FARP2: variants seen among roughly 807,000 people sequenced by gnomAD.
FARP2 encodes FERM, ARH/RhoGEF and pleckstrin domain protein 2.
FARP2 carries 111 observed loss-of-function variants against 130.5 expected under a neutral mutation model. That is an observed-to-expected ratio of 0.85 (90% CI 0.73 to 1.00). The LOEUF is 1.00. Among genes scored for constraint, FARP2 ranks in the 50% least tolerant of loss-of-function variants. FARP2 has a pLI of 0.00. For missense variants in FARP2, 1,385 were observed against 1,346.3 expected (o/e 1.03, Z -0.45); for synonymous variants, 504 against 516.9 (o/e 0.98, Z 0.34).
chr2:241,470,281 A>G (rs914965372), intron 18 of FARP2, among the ~76,000 whole-genome samples: 1 of 152,240 alleles, frequency 6.6e-6, no homozygotes, highest in African/African-American at 2.4e-5. Flanking sequence ...CTGGATGTTA[A>G]GTGTATGTTG....
At chr2:241,388,662 C>T (rs191380443) in intron 2 of FARP2, among the ~76,000 whole-genome samples, 14 of 152,126 alleles carry the variant, frequency 9.2e-5, no homozygotes, top group Non-Finnish European at 1.5e-4. Context: ...AGCAAGATCC[C>T]GTCACTACAA....
intron 1 of FARP2, among the ~76,000 whole-genome samples, chr2:241,369,875 G>A (rs976460362): frequency 1.3e-5 from 2 of 152,094 alleles, no homozygotes; most frequent in Non-Finnish European, 2.9e-5. Flanking sequence ...ATGTTTTCAC[G>A]TTGGAGGAAC....
intron 2 of FARP2, among the ~76,000 whole-genome samples, chr2:241,391,800 A>G (rs1365882477): frequency 6.6e-6 from 1 of 152,098 alleles, no homozygotes; most frequent in African/African-American, 2.4e-5. Flanking sequence ...CTTTTTCCCA[A>G]GCTCAAGATG....
At chr2:241,431,423 G>A (rs978754370) in intron 8 of FARP2, among the ~76,000 whole-genome samples, 10 of 96 alleles carry the variant, frequency 0.1, no homozygotes, top group East Asian at 0.5. Flanking sequence ...TGCAGTGAGC[G>A]GAGATTGGTA....
intron 21 of FARP2, among the ~76,000 whole-genome samples, chr2:241,487,274 A>ATCTG (rs1355788205): frequency 6.6e-6 from 1 of 152,254 alleles, no homozygotes; most frequent in East Asian, 1.9e-4. Flanking sequence ...TAGGGAACCC[A>ATCTG]GCAAATGCTT....
rs755348684 is a variant in FARP2, at chr2:241,475,391, G to C, written c.2132-466G>C. 2.0e-5 allele frequency among the ~76,000 whole-genome samples: 3 copies of C among 152,212 alleles called. No homozygotes were observed. Among genetic ancestry groups the C allele is most frequent in the African/African-American group, 4.8e-5 (2 of 41,456 alleles). On this transcript the variant is annotated intron_variant, in intron 18 of 26. Coordinates refer to ENST00000264042, the MANE Select transcript of FARP2 (RefSeq NM_014808.4). This position sits in a 1 kb window ranked among gnomAD's most constrained non-coding sequence, Gnocchi z 4.4. ...CTAGTACCAGTCCAGTCCATAGCCT[G>C]TTAGGAACCAGGCCACACGGCAGGA...
Position 241,482,351 on chromosome 2 carries a change from T to G in FARP2, c.2263-1114T>G, listed in dbSNP as rs957608864. Among the ~76,000 whole-genome samples, 11 of 152,108 alleles carry G rather than the reference T, an allele frequency of 7.2e-5. No homozygotes were observed. Among genetic ancestry groups the G allele is most frequent in the African/African-American group, 2.7e-4 (11 of 41,418 alleles). Reference sequence around the variant, plus strand: ...GAGCTCTGGAGAGGGGGCTGCTGCTTAGCCAGTGCTGGGGTCTCTGAGGGT... The same window carrying G: ...GAGCTCTGGAGAGGGGGCTGCTGCTGAGCCAGTGCTGGGGTCTCTGAGGGT... On this transcript the variant is annotated intron_variant, in intron 19 of 26. Transcript: ENST00000264042. This position sits in a 1 kb window ranked among gnomAD's most constrained non-coding sequence, Gnocchi z 4.6.
intron 2 of FARP2, among the ~76,000 whole-genome samples, chr2:241,401,769 T>C (rs1166354057): frequency 6.6e-6 from 1 of 151,948 alleles, no homozygotes; most frequent in Non-Finnish European, 1.5e-5. Flanking sequence ...TATGGATATG[T>C]CATTATTTAT....
At chr2:241,488,601 C>G (rs571847018) in intron 21 of FARP2, 2 of 151,938 alleles carry the variant, frequency 1.3e-5, no homozygotes, top group East Asian at 3.9e-4. Context: ...GGGGTTTCAC[C>G]GTGTTAGCCA....
chr2:241,493,256 C>G, intron 25 of FARP2, 37 bp from the exon 26 acceptor site: 2 of 1,605,988 alleles, frequency 1.2e-6, no homozygotes, highest in Non-Finnish European at 1.7e-6. Flanking sequence ...TGTGGCAACC[C>G]AGCCCCTGGA....
intron 3 of FARP2, among the ~76,000 whole-genome samples, chr2:241,404,560 A>G (rs1424257695): frequency 2.6e-5 from 4 of 152,246 alleles, no homozygotes; most frequent in African/African-American, 9.6e-5. Context: ...GCAACTGAAT[A>G]GAGGTATCCC....
At chr2:241,436,162 G>A (rs1202864250) in intron 11 of FARP2, among the ~76,000 whole-genome samples, 2 of 151,706 alleles carry the variant, frequency 1.3e-5, no homozygotes, top group Non-Finnish European at 2.9e-5. Context: ...ACCCGCCTCG[G>A]CCTCCCAAAG....
chr2:241,431,102 T>A (rs2063079138), intron 8 of FARP2, among the ~76,000 whole-genome samples: 1 of 152,242 alleles, frequency 6.6e-6, no homozygotes. Flanking sequence ...CCAGTGTATC[T>A]TCCTGGTGAA....
chr2:241,440,646 C>T (rs190896649), intron 12 of FARP2, among the ~76,000 whole-genome samples: 211 of 152,246 alleles, frequency 1.4e-3, no homozygotes, highest in Non-Finnish European at 2.5e-3. Context: ...CTAACTCCCT[C>T]GCGACGATAC....
chr2:241,457,835 G>C (rs2063901705), intron 14 of FARP2, among the ~76,000 whole-genome samples: 1 of 152,202 alleles, frequency 6.6e-6, no homozygotes, highest in African/African-American at 2.4e-5. Context: ...GAGACCCCGT[G>C]TCGATGTTGG....
chr2:241,441,559 G>T lies in FARP2; in HGVS notation c.1411+3G>T. 1.9e-6 allele frequency: 3 copies of T among 1,614,020 alleles called. No individual in the cohort carries two copies. Among genetic ancestry groups the T allele is most frequent in the African/African-American group, 2.7e-5 (2 of 75,068 alleles). On this transcript the variant is annotated splice_donor_region_variant and intron_variant, in intron 13 of 26. Coordinates refer to ENST00000264042, the MANE Select transcript of FARP2 (RefSeq NM_014808.4). ...CCCCGCACTCCAGCCTGGTCCAGGT[G>T]TCGGGTTTTGTCATGTCGTGAGCAG...
intron 19 of FARP2, among the ~76,000 whole-genome samples, chr2:241,481,449 T>A (rs1412240428): frequency 6.6e-6 from 1 of 152,234 alleles, no homozygotes; most frequent in Non-Finnish European, 1.5e-5. Flanking sequence ...ATGTTCTGTG[T>A]TAGCCTTGTT....
chr2:241,404,125 G>A (rs1011336325), intron 3 of FARP2, among the ~76,000 whole-genome samples, 193 bp downstream of exon 3: 4 of 152,200 alleles, frequency 2.6e-5, no homozygotes, highest in African/African-American at 9.7e-5. Flanking sequence ...TGTTCTGTTT[G>A]TTAGCACATG....
intron 23 of FARP2, 132 bp from the exon 24 acceptor site, chr2:241,491,384 A>G (rs955092942): frequency 6.8e-6 from 7 of 1,036,728 alleles, no homozygotes; most frequent in Non-Finnish European, 9.9e-6. Context: ...TTTTGCTCTC[A>G]GCCAGCAGCT....
Sources: gnomAD v4.1 joint callset for allele counts (sites outside exome capture counted in the v4.1 genomes callset) on GRCh38, gnomAD v4.1.1 for gene constraint, Gnocchi (gnomAD v3.1) non-coding constraint, MANE v1.5 for transcripts, NCBI Gene and HGNC (gene_info 2026-07-23, HGNC 2026-07-21) for gene names.